CADM2: variants seen among roughly 807,000 people sequenced by gnomAD.
CADM2 encodes cell adhesion molecule 2, also known as immunoglobulin superfamily member 4D.
In CADM2, 12 loss-of-function variants were observed where a neutral mutation model predicts 49.8. The ratio of observed to expected loss-of-function variants is 0.24; its 90% confidence interval spans 0.15 to 0.39. The LOEUF (loss-of-function observed/expected upper bound fraction) is 0.39, where lower values mean the gene tolerates loss of function less well. Among genes scored for constraint, CADM2 ranks in the 10% least tolerant of loss-of-function variants. The pLI is 1.00. For synonymous variants in CADM2, 214 were observed against 175.4 expected (o/e 1.22, Z -1.74); for missense variants, 378 against 492.3 (o/e 0.77, Z 2.20).
At chr3:85,842,580 T>C (rs578259996) in intron 3 of CADM2, among the ~76,000 whole-genome samples, 6 of 152,240 alleles carry the variant, frequency 3.9e-5, no homozygotes, top group East Asian at 1.9e-4. Flanking sequence ...AAAGCTTCCC[T>C]ACCGATGAGG....
intron 1 of CADM2, among the ~76,000 whole-genome samples, chr3:85,569,625 T>A (rs887196579): frequency 6.7e-6 from 1 of 150,046 alleles, no homozygotes; most frequent in Admixed American, 6.7e-5. Context: ...TTCCGATAGG[T>A]GTGTAGTGTC....
At chr3:85,526,259 T>G (rs915393813) in intron 1 of CADM2, among the ~76,000 whole-genome samples, 6 of 151,922 alleles carry the variant, frequency 3.9e-5, no homozygotes, top group Admixed American at 3.9e-4. Context: ...TTTGTTTGTT[T>G]AGTAGGAAGG....
chr3:85,609,042 C>A (rs909647733), intron 1 of CADM2, among the ~76,000 whole-genome samples: 2 of 152,034 alleles, frequency 1.3e-5, no homozygotes, highest in African/African-American at 4.8e-5. Flanking sequence ...CATTGTCACT[C>A]TGTTCTCCAG....
rs924953313 is a variant in CADM2 at position 85,433,489 on chromosome 3, G to T, written c.62-293033G>T. ...GCCTCATTAGAGGATTCTTGAAATTGCTTACTTGTGACTACCCGCCTGGAA... is the reference window on the plus strand; with the variant it reads ...GCCTCATTAGAGGATTCTTGAAATTTCTTACTTGTGACTACCCGCCTGGAA... On this transcript the variant is annotated intron_variant, in intron 1 of 9. Coordinates refer to ENST00000383699, the MANE Select transcript of CADM2 (RefSeq NM_001167675.2). Among the ~76,000 whole-genome samples, 15 of 152,118 alleles carry T rather than the reference G, an allele frequency of 9.9e-5. No individual in the cohort carries two copies. The Middle Eastern group carries it at 0.01, about 103-fold the overall frequency.
intron 8 of CADM2, among the ~76,000 whole-genome samples, chr3:86,040,375 G>A (rs774260447): frequency 1.3e-5 from 2 of 152,188 alleles, no homozygotes; most frequent in African/African-American, 4.8e-5. Context: ...AACCAATGCA[G>A]AGAAGTCCTT....
chr3:85,786,103 G>A (rs2070972034), intron 2 of CADM2, among the ~76,000 whole-genome samples: 2 of 151,850 alleles, frequency 1.3e-5, no homozygotes, highest in Non-Finnish European at 2.9e-5. Flanking sequence ...TTTTTTCCAG[G>A]TATCATTTTG....
chr3:85,071,019 T>TAAATAAATAAAC lies in CADM2; in HGVS notation c.61+111354_61+111355insTAAATAAACAAA, dbSNP rs1052439937. Among the ~76,000 whole-genome samples, 601 of 149,750 alleles carry TAAATAAATAAAC rather than the reference T, an allele frequency of 4.0e-3. 3 individuals carry two copies. Among genetic ancestry groups the TAAATAAATAAAC allele is most frequent in the African/African-American group, 8.9e-3 (364 of 41,024 alleles). On this transcript the variant is annotated intron_variant, in intron 1 of 9. Coordinates refer to ENST00000383699, the MANE Select transcript of CADM2 (RefSeq NM_001167675.2). ...ATAAATAAATAAATAAATAAATAAA[T>TAAATAAATAAAC]AAACAAATAAATAAATAAATAAAAT...
intron 1 of CADM2, among the ~76,000 whole-genome samples, chr3:85,126,597 C>T (rs2039042605): frequency 6.6e-6 from 1 of 151,908 alleles, no homozygotes; most frequent in South Asian, 2.1e-4. Flanking sequence ...CATTTTTATT[C>T]TGTTAAGTTT....
At chr3:85,483,417 TG>T (rs1252401149) in intron 1 of CADM2, among the ~76,000 whole-genome samples, 3 of 151,304 alleles carry the variant, frequency 2.0e-5, no homozygotes, top group Non-Finnish European at 4.4e-5. Context: ...CATATGCATG[TG>T]TATGTATTAT....
chr3:85,566,638 C>A (rs898025506), intron 1 of CADM2, among the ~76,000 whole-genome samples: 22 of 152,026 alleles, frequency 1.4e-4, no homozygotes, highest in African/African-American at 4.8e-4. Flanking sequence ...ATGGAGCTCA[C>A]CTCCGTAACA....
intron 1 of CADM2, among the ~76,000 whole-genome samples, chr3:85,337,543 A>G (rs985568634): frequency 5.3e-5 from 8 of 151,432 alleles, no homozygotes; most frequent in African/African-American, 9.7e-5. Flanking sequence ...ACCATTTATC[A>G]TAGGATTTCT....
At chr3:85,551,177 T>C (rs1312610090) in intron 1 of CADM2, among the ~76,000 whole-genome samples, 2 of 152,116 alleles carry the variant, frequency 1.3e-5, no homozygotes, top group Non-Finnish European at 2.9e-5. Context: ...AGACGAGGTT[T>C]CTCTATGTTG....
At chr3:85,211,977 A>G (rs1488803436) in intron 1 of CADM2, among the ~76,000 whole-genome samples, 1 of 152,156 alleles carries the variant, frequency 6.6e-6, no homozygotes, top group African/African-American at 2.4e-5. Flanking sequence ...GTGCATATAT[A>G]TCTACAACTG....
chr3:85,227,965 C>A (rs1436403812), intron 1 of CADM2, among the ~76,000 whole-genome samples: 1 of 152,126 alleles, frequency 6.6e-6, no homozygotes, highest in African/African-American at 2.4e-5. Flanking sequence ...ATATTGGCCC[C>A]CATTCTCTTC....
chr3:85,236,468 A>T (rs1438891406), intron 1 of CADM2, among the ~76,000 whole-genome samples: 1 of 152,072 alleles, frequency 6.6e-6, no homozygotes, highest in East Asian at 1.9e-4. Context: ...TTTCAATTGC[A>T]TATTTTTAAT....
intron 1 of CADM2, among the ~76,000 whole-genome samples, chr3:85,497,694 T>C (rs2039960849): frequency 6.6e-6 from 1 of 152,104 alleles, no homozygotes; most frequent in Non-Finnish European, 1.5e-5. Flanking sequence ...AAATCTATTA[T>C]ATTTTGAATT....
At chr3:85,604,883 A>G (rs1357158473) in intron 1 of CADM2, among the ~76,000 whole-genome samples, 1 of 151,936 alleles carries the variant, frequency 6.6e-6, no homozygotes, top group African/African-American at 2.4e-5. Context: ...TTATATCATC[A>G]TATAATAGAT....
chr3:85,777,845 A>G (rs2070435301), intron 2 of CADM2, among the ~76,000 whole-genome samples: 1 of 152,214 alleles, frequency 6.6e-6, no homozygotes, highest in Admixed American at 6.5e-5. Flanking sequence ...GGTCTGTACC[A>G]TCAGAAATAA....
chr3:85,890,700 T>TC (rs1002883033), intron 5 of CADM2, among the ~76,000 whole-genome samples: 3 of 151,856 alleles, frequency 2.0e-5, no homozygotes, highest in African/African-American at 7.3e-5. Flanking sequence ...GACTTTTTTT[T>TC]TTCTTTTTTT....
Sources: allele counts gnomAD v4.1 joint callset (sites outside exome capture counted in the v4.1 genomes callset), GRCh38; gene constraint gnomAD v4.1.1; transcripts MANE v1.5; gene names NCBI Gene and HGNC (gene_info 2026-07-23, HGNC 2026-07-21).